DENND1A: variants seen among roughly 807,000 people sequenced by gnomAD.
DENND1A encodes the protein DENN domain-containing protein 1A.
In DENND1A, 51 loss-of-function variants were observed where a neutral mutation model predicts 113.7. The ratio of observed to expected loss-of-function variants is 0.45; its 90% confidence interval spans 0.36 to 0.57. The LOEUF (loss-of-function observed/expected upper bound fraction) is 0.57. DENND1A is among the 20% of genes least tolerant of loss of function. DENND1A has a pLI of 0.00. For synonymous variants in DENND1A, 565 were observed against 570.8 expected (o/e 0.99, Z 0.14); for missense variants, 1,258 against 1,395.9 (o/e 0.90, Z 1.57).
intron 13 of DENND1A, among the ~76,000 whole-genome samples, chr9:123,508,689 A>T (rs1396158088): frequency 6.6e-6 from 1 of 152,238 alleles, no homozygotes; most frequent in Non-Finnish European, 1.5e-5. Flanking sequence ...CATCTAAATA[A>T]ATATCAAGGA....
At chr9:123,742,300 G>A (rs1013937125) in intron 5 of DENND1A, among the ~76,000 whole-genome samples, 7 of 151,980 alleles carry the variant, frequency 4.6e-5, no homozygotes, top group Non-Finnish European at 1.0e-4. Flanking sequence ...GAGTTTTCAA[G>A]GAGCTATGAA....
chr9:123,625,879 C>T (rs2061186938), intron 10 of DENND1A, among the ~76,000 whole-genome samples: 1 of 152,188 alleles, frequency 6.6e-6, no homozygotes, highest in African/African-American at 2.4e-5. Flanking sequence ...GCATGAAAAC[C>T]CACTGGTGAA....
chr9:123,420,357 G>A (rs530853138), intron 19 of DENND1A, among the ~76,000 whole-genome samples: 4 of 152,304 alleles, frequency 2.6e-5, no homozygotes, highest in Non-Finnish European at 4.4e-5. Flanking sequence ...CACTCTGAAC[G>A]GCAGACTCCA....
At chr9:123,704,508 A>C (rs539119057) in intron 5 of DENND1A, among the ~76,000 whole-genome samples, 1 of 152,178 alleles carries the variant, frequency 6.6e-6, no homozygotes, top group Non-Finnish European at 1.5e-5. Flanking sequence ...GGTCTCATAA[A>C]ATGGCAAACA....
At chr9:123,567,819 T>C (rs2058137803) in intron 12 of DENND1A, among the ~76,000 whole-genome samples, 1 of 152,182 alleles carries the variant, frequency 6.6e-6, no homozygotes, top group Non-Finnish European at 1.5e-5. Context: ...CCAAGATGCC[T>C]GCTTCCCTAA....
intron 9 of DENND1A, among the ~76,000 whole-genome samples, chr9:123,639,443 C>T (rs114063412): frequency 0.016 from 1,987 of 124,534 alleles, 49 homozygotes; most frequent in African/African-American, 0.058. Flanking sequence ...CGTATCCCCC[C>T]AACCCCCTAC....
chr9:123,852,058 G>A (rs1843458184), intron 2 of DENND1A, among the ~76,000 whole-genome samples: 1 of 152,156 alleles, frequency 6.6e-6, no homozygotes, highest in Admixed American at 6.5e-5. Context: ...GTGCTCCAAC[G>A]TGCCTCCTGC....
chr9:123,715,203 A>AT (rs1466408482), intron 5 of DENND1A, among the ~76,000 whole-genome samples: 5 of 152,058 alleles, frequency 3.3e-5, no homozygotes, highest in African/African-American at 7.2e-5. Flanking sequence ...AATAATAATA[A>AT]AAAATAAATG....
chr9:123,581,764 G>A (rs918898316), intron 12 of DENND1A, among the ~76,000 whole-genome samples: 1 of 152,198 alleles, frequency 6.6e-6, no homozygotes, highest in East Asian at 1.9e-4. Flanking sequence ...ACACTTCCCC[G>A]ACCAGGACAC....
intron 1 of DENND1A, among the ~76,000 whole-genome samples, chr9:123,927,743 T>C: frequency 6.6e-6 from 1 of 152,198 alleles, no homozygotes; most frequent in East Asian, 1.9e-4. Context: ...CCCTTGTCCC[T>C]ACCTCCAAGA....
chr9:123,477,836 TC>T (rs2050037480), intron 13 of DENND1A, among the ~76,000 whole-genome samples: 1 of 151,886 alleles, frequency 6.6e-6, no homozygotes, highest in South Asian at 2.1e-4. Flanking sequence ...CAAATCCTGC[TC>T]GGGGACTGCC....
chr9:123,615,861 A>C (rs886656004), intron 10 of DENND1A, among the ~76,000 whole-genome samples: 3 of 152,186 alleles, frequency 2.0e-5, no homozygotes, highest in African/African-American at 7.2e-5. Flanking sequence ...ACCACATTTC[A>C]AGGGCTGCAT....
intron 5 of DENND1A, among the ~76,000 whole-genome samples, chr9:123,723,500 C>T (rs1318574314): frequency 6.6e-6 from 1 of 152,146 alleles, no homozygotes; most frequent in Non-Finnish European, 1.5e-5. Context: ...TCATCTTTAA[C>T]TGTAACTCCC....
At chr9:123,878,145 G>A (rs1489788096) in intron 2 of DENND1A, among the ~76,000 whole-genome samples, 3 of 151,696 alleles carry the variant, frequency 2.0e-5, no homozygotes, top group Non-Finnish European at 4.4e-5. Flanking sequence ...AGAGGTTGCG[G>A]TGAGCCAAGA....
At chr9:123,630,579 G>T in intron 9 of DENND1A, 103 bp from the exon 10 acceptor site, 1 of 722,950 alleles carries the variant, frequency 1.4e-6, no homozygotes, top group Non-Finnish European at 2.0e-6. Flanking sequence ...ATGTTTACAT[G>T]ATAAGCTGAA....
intron 21 of DENND1A, among the ~76,000 whole-genome samples, chr9:123,389,126 G>A (rs2042713136): frequency 6.6e-6 from 1 of 152,210 alleles, no homozygotes; most frequent in South Asian, 2.1e-4. Context: ...GCTGGAGGGT[G>A]AGTGAGAGAC....
At chr9:123,555,053 C>T (rs1398107773) in intron 13 of DENND1A, among the ~76,000 whole-genome samples, 2 of 152,310 alleles carry the variant, frequency 1.3e-5, no homozygotes, top group East Asian at 3.9e-4. Flanking sequence ...TTTCCTTTTG[C>T]AACTAGGGGT....
chr9:123,579,201 A>G (rs2058769095), intron 12 of DENND1A, among the ~76,000 whole-genome samples: 1 of 152,158 alleles, frequency 6.6e-6, no homozygotes, highest in Non-Finnish European at 1.5e-5. Context: ...TAAATATATT[A>G]TATATATTAC....
At chr9:123,620,429 T>G (rs962124138) in intron 10 of DENND1A, among the ~76,000 whole-genome samples, 1 of 151,970 alleles carries the variant, frequency 6.6e-6, no homozygotes, top group African/African-American at 2.4e-5. Flanking sequence ...ACAGCAATGT[T>G]TTTAGCTATC....
Sources: allele counts gnomAD v4.1 joint callset (sites outside exome capture counted in the v4.1 genomes callset), GRCh38; gene constraint gnomAD v4.1.1; transcripts MANE v1.5; gene names NCBI Gene and HGNC (gene_info 2026-07-23, HGNC 2026-07-21).